The following MAP4K4 variants were observed in gnomAD, a reference collection of about 807,000 sequenced individuals.
MAP4K4 encodes the protein HPK/GCK-like kinase HGK.
MAP4K4 carries 38 observed loss-of-function variants against 189.6 expected under a neutral mutation model. The observed-to-expected ratio is 0.20, with a 90% CI of 0.15 to 0.26. The LOEUF is 0.26. Ranked by LOEUF, MAP4K4 falls within the 10% of genes least tolerant of loss-of-function variation. The pLI, the probability that MAP4K4 is intolerant of heterozygous loss-of-function variation, is 1.00. For missense variants in MAP4K4, 1,054 were observed against 1,726.9 expected (o/e 0.61, Z 6.91); for synonymous variants, 610 against 624.3 (o/e 0.98, Z 0.34).
intron 2 of MAP4K4, among the ~76,000 whole-genome samples, chr2:101,717,563 CT>C (rs1289612146): frequency 6.6e-6 from 1 of 152,140 alleles, no homozygotes; most frequent in African/African-American, 2.4e-5. Context: ...AAATCATAGA[CT>C]TCTGTCATTA....
chr2:101,875,430 T>C lies in MAP4K4; in HGVS notation c.3241+1178T>C, dbSNP rs144561145. ...CCACAAGCATTGCTTGGGTAGATACTGTCCTCCAAATGTTGGGATAATCCC... is the reference window on the plus strand; with the variant it reads ...CCACAAGCATTGCTTGGGTAGATACCGTCCTCCAAATGTTGGGATAATCCC... On this transcript the variant is annotated intron_variant, in intron 26 of 32. Transcript: ENST00000324219. 3.6e-4 allele frequency among the ~76,000 whole-genome samples: 55 copies of C among 152,282 alleles called. 1 individual carries two copies. Among genetic ancestry groups the C allele is most frequent in the South Asian group, 2.5e-3 (12 of 4,832 alleles).
chr2:101,847,104 G>A (rs1175620247), intron 12 of MAP4K4, among the ~76,000 whole-genome samples: 1 of 152,178 alleles, frequency 6.6e-6, no homozygotes, highest in Non-Finnish European at 1.5e-5. Flanking sequence ...TTATCATGGA[G>A]CTGAAAAATT....
intron 26 of MAP4K4, among the ~76,000 whole-genome samples, chr2:101,876,772 T>A (rs1357098251): frequency 6.6e-6 from 1 of 152,248 alleles, no homozygotes. Context: ...TCTTGTTCTT[T>A]CCCTTATCCT....
intron 3 of MAP4K4, among the ~76,000 whole-genome samples, chr2:101,800,760 T>A (rs2094288869): frequency 6.6e-6 from 1 of 152,214 alleles, no homozygotes; most frequent in African/African-American, 2.4e-5. Flanking sequence ...ACTGAACACT[T>A]AGTCTTAAAA....
At chr2:101,742,204 C>G (rs1273657770) in intron 2 of MAP4K4, among the ~76,000 whole-genome samples, 1 of 152,076 alleles carries the variant, frequency 6.6e-6, no homozygotes, top group Admixed American at 6.5e-5. Context: ...AGAGTGCTGT[C>G]CAGGAGAGAA....
chr2:101,893,370 T>G (rs1355403686), exon 33 of MAP4K4: 3 of 401,960 alleles, frequency 7.5e-6, no homozygotes, highest in Non-Finnish European at 1.5e-5. Flanking sequence ...TGGTTTGTAG[T>G]TAACCTAGAG....
chr2:101,700,048 G>A (rs2037431513), intron 2 of MAP4K4, among the ~76,000 whole-genome samples: 1 of 152,182 alleles, frequency 6.6e-6, no homozygotes, highest in Non-Finnish European at 1.5e-5. Context: ...AAATTAAATG[G>A]TGATTGTAGT....
intron 2 of MAP4K4, among the ~76,000 whole-genome samples, chr2:101,743,521 A>G (rs941799105): frequency 3.3e-5 from 5 of 152,210 alleles, no homozygotes; most frequent in Non-Finnish European, 2.9e-5. Flanking sequence ...TGAGCTTTTC[A>G]TGGGCACTTG....
chr2:101,745,396 C>T (rs2064908400), intron 2 of MAP4K4, among the ~76,000 whole-genome samples: 2 of 104,034 alleles, frequency 1.9e-5, no homozygotes, highest in African/African-American at 4.0e-5. Context: ...AGTGTCTGGT[C>T]TCTGGTGATT....
At chr2:101,766,365 G>T (rs2078623218) in intron 2 of MAP4K4, among the ~76,000 whole-genome samples, 1 of 152,160 alleles carries the variant, frequency 6.6e-6, no homozygotes, top group African/African-American at 2.4e-5. Context: ...CAAATAAGTT[G>T]ATTGGATTTC....
intron 24 of MAP4K4, among the ~76,000 whole-genome samples, 186 bp downstream of exon 24, chr2:101,871,871 T>G (rs1000759918): frequency 3.3e-5 from 5 of 151,878 alleles, no homozygotes; most frequent in African/African-American, 1.2e-4. Context: ...CCCTTAACCC[T>G]AGATCAGCTC....
At chr2:101,777,230 G>A (rs1191615412) in intron 2 of MAP4K4, among the ~76,000 whole-genome samples, 2 of 152,232 alleles carry the variant, frequency 1.3e-5, no homozygotes, top group Admixed American at 1.3e-4. Context: ...CATGAGCTTT[G>A]TGTGAGGAAG....
chr2:101,731,056 A>G (rs1291624159), intron 2 of MAP4K4, among the ~76,000 whole-genome samples: 2 of 151,534 alleles, frequency 1.3e-5, no homozygotes, highest in Admixed American at 6.6e-5. Flanking sequence ...AAAAAAAACC[A>G]AACAGTTGAA....
At chr2:101,871,415 C>G in intron 23 of MAP4K4, 79 bp from the exon 24 acceptor site, 1 of 1,167,206 alleles carries the variant, frequency 8.6e-7, no homozygotes, top group Non-Finnish European at 1.2e-6. Context: ...TCACACAGCA[C>G]CTTAAAGCAG....
At chr2:101,844,448 T>G (rs2149592793) in intron 12 of MAP4K4, 137 bp downstream of exon 12, 1 of 713,062 alleles carries the variant, frequency 1.4e-6, no homozygotes. Flanking sequence ...TTACATAACT[T>G]GTGAAAGAAA....
chr2:101,737,870 C>T (rs1322319305), intron 2 of MAP4K4, among the ~76,000 whole-genome samples: 1 of 152,124 alleles, frequency 6.6e-6, no homozygotes, highest in Non-Finnish European at 1.5e-5. Flanking sequence ...TTTCTCACCA[C>T]ACTTTTTAAA....
chr2:101,718,640 G>T (rs2049962670), intron 2 of MAP4K4, among the ~76,000 whole-genome samples: 2 of 150,614 alleles, frequency 1.3e-5, no homozygotes, highest in African/African-American at 4.9e-5. Context: ...TGGGTTAAGG[G>T]TGGGATTGAG....
At chr2:101,744,171 C>T (rs556400657) in intron 2 of MAP4K4, among the ~76,000 whole-genome samples, 6 of 152,224 alleles carry the variant, frequency 3.9e-5, no homozygotes, top group East Asian at 1.9e-4. Flanking sequence ...CTAGAACTGA[C>T]GTGAGCCACA....
At chr2:101,729,395 T>C (rs764949471) in intron 2 of MAP4K4, among the ~76,000 whole-genome samples, 34 of 152,130 alleles carry the variant, frequency 2.2e-4, no homozygotes, top group Non-Finnish European at 4.3e-4. Flanking sequence ...GCATCACATA[T>C]GCTAAGAGTG....
Sources: gnomAD v4.1 joint callset for allele counts (sites outside exome capture counted in the v4.1 genomes callset) on GRCh38, gnomAD v4.1.1 for gene constraint, MANE v1.5 for transcripts, NCBI Gene and HGNC (gene_info 2026-07-23, HGNC 2026-07-21) for gene names.